SEC14L2: variants seen among roughly 807,000 people sequenced by gnomAD.
The protein encoded by SEC14L2 is SEC14 like lipid binding 2.
In SEC14L2, 50 loss-of-function variants were observed where a neutral mutation model predicts 56.9. The observed-to-expected ratio is 0.88, with a 90% CI of 0.70 to 1.11. The LOEUF is 1.11. Among genes scored for constraint, SEC14L2 ranks in the 50% most tolerant of loss-of-function variants. SEC14L2 has a pLI of 0.00. For synonymous variants in SEC14L2, 179 were observed against 188.5 expected (o/e 0.95, Z 0.41); for missense variants, 414 against 500.7 (o/e 0.83, Z 1.65).
intron 7 of SEC14L2, 35 bp downstream of exon 7, chr22:30,409,521 GAA>G (rs749688160): frequency 6.3e-7 from 1 of 1,589,736 alleles, no homozygotes; most frequent in Non-Finnish European, 8.6e-7. Flanking sequence ...AAGCCAGATG[GAA>G]AAGAGGGGTC....
rs957752349 is a variant in SEC14L2, at chr22:30,423,847, G to A, written c.*1440G>A. ...AAGCAACGTTCAGTGCGCAGGGAGT[G>A]AAATTCAATGCCCACCGCTAGGCTC... On this transcript the variant is annotated 3_prime_UTR_variant, in exon 12 of 12. Transcript: ENST00000615189. 5.3e-5 allele frequency: 8 copies of A among 152,292 alleles called. No individual in the cohort carries two copies. The highest frequency in any genetic ancestry group is 1.9e-4 in the African/African-American group (8 of 41,472). The allele number at this position is 152,292 out of a possible 1,614,324, so 9.4% of individuals were successfully genotyped here.
At chr22:30,410,161 G>A (rs1283984390) in intron 7 of SEC14L2, among the ~76,000 whole-genome samples, 1 of 151,588 alleles carries the variant, frequency 6.6e-6, no homozygotes, top group Non-Finnish European at 1.5e-5. Context: ...GCTCACTGAG[G>A]CTGAGGCAAG....
rs948867931 is a variant in SEC14L2, at chr22:30,408,904, G to A, written c.424-283G>A. On this transcript the variant is annotated intron_variant, in intron 5 of 11. Transcript: ENST00000615189. ...AGAGCACACAGTGACTCAGGAAGGG[G>A]GAGGCCATCAGGCCAAACTGCAGAA... 16 of 483,690 alleles carry A rather than the reference G, an allele frequency of 3.3e-5. No individual in the cohort carries two copies. The Admixed American group carries it at 4.8e-4, about 14-fold the overall frequency. 30.0% of individuals were successfully genotyped at this position (483,690 alleles called of 1,614,324 possible).
intron 7 of SEC14L2, 61 bp from the exon 8 acceptor site, chr22:30,410,535 A>G: frequency 6.7e-7 from 1 of 1,482,650 alleles, no homozygotes; most frequent in Non-Finnish European, 9.4e-7. Context: ...GCTGCAGAGG[A>G]CGCTGTTAGG....
At chr22:30,409,111 A>G (rs774848165) in intron 5 of SEC14L2, 76 bp from the exon 6 acceptor site, 1 of 1,272,098 alleles carries the variant, frequency 7.9e-7, no homozygotes, top group Non-Finnish European at 1.2e-6. Flanking sequence ...GCACAGTGCA[A>G]TCATTTGGCC....
chr22:30,403,672 G>A (rs935794740), intron 2 of SEC14L2, among the ~76,000 whole-genome samples: 2 of 152,178 alleles, frequency 1.3e-5, no homozygotes, highest in African/African-American at 4.8e-5. Context: ...CCCAAGATAA[G>A]GGGCTCACAG....
At chr22:30,410,501 T>A in intron 7 of SEC14L2, 95 bp from the exon 8 acceptor site, 1 of 1,195,774 alleles carries the variant, frequency 8.4e-7, no homozygotes, top group Non-Finnish European at 1.2e-6. Flanking sequence ...TGGCCCAGCA[T>A]GGGCTGGCAG....
chr22:30,402,228 G>A (rs1442627317), intron 2 of SEC14L2, among the ~76,000 whole-genome samples: 1 of 152,186 alleles, frequency 6.6e-6, no homozygotes, highest in East Asian at 1.9e-4. Context: ...GAAGCAGGTG[G>A]GTGGAGAGAG....
chr22:30,422,477 T>A lies in SEC14L2; in HGVS notation c.*70T>A, dbSNP rs2146047293. 6.3e-7 allele frequency: 1 copy of A among 1,588,620 alleles called. No homozygotes were observed. The highest frequency in any genetic ancestry group is 1.3e-5 in the African/African-American group (1 of 74,408). Reference sequence around the variant, plus strand: ...CAATTTCTACCCCTTGTAGCAGTCATTTTCGCACAACCCTGAAGCCCAAAG... The same window carrying A: ...CAATTTCTACCCCTTGTAGCAGTCAATTTCGCACAACCCTGAAGCCCAAAG... On this transcript the variant is annotated 3_prime_UTR_variant, in exon 12 of 12. Coordinates refer to ENST00000615189, the MANE Select transcript of SEC14L2 (RefSeq NM_012429.5).
intron 7 of SEC14L2, 99 bp from the exon 8 acceptor site, chr22:30,410,497 A>C (rs1934218255): frequency 8.6e-7 from 1 of 1,168,690 alleles, no homozygotes; most frequent in African/African-American, 1.5e-5. Context: ...CATGTGGCCC[A>C]GCATGGGCTG....
rs1569204255 is a variant in SEC14L2 at position 30,399,669 on chromosome 22, GC to G, written c.83del (p.Pro28ArgfsTer52). On this transcript the variant is annotated frameshift_variant, in exon 2 of 12. Coordinates refer to ENST00000615189, the MANE Select transcript of SEC14L2 (RefSeq NM_012429.5). LOFTEE classifies it high-confidence loss of function. ...KFRENVQDVL[P>X]ALPNPDDYFL... ...TTCGGGAGAATGTCCAGGATGTGCT[GC>G]CGGCCCTGCCGAATCCAGATGACTA... The G allele has an allele frequency of 1.9e-6, 3 of 1,613,900 alleles. No homozygotes were observed. The highest frequency in any genetic ancestry group is 2.5e-6 in the Non-Finnish European group (3 of 1,179,908).
At chr22:30,418,084 G>A (rs1934432057) in intron 11 of SEC14L2, among the ~76,000 whole-genome samples, 1 of 152,082 alleles carries the variant, frequency 6.6e-6, no homozygotes, top group Non-Finnish European at 1.5e-5. Flanking sequence ...TTTTTTGTCT[G>A]TTTCTTTGTT....
At chr22:30,398,838 T>C (rs2146000909) in intron 1 of SEC14L2, 1 of 468,058 alleles carries the variant, frequency 2.1e-6, no homozygotes. Context: ...CCAACTCTGC[T>C]AATGACTAGC....
At chr22:30,398,970 G>A (rs997267820) in intron 1 of SEC14L2, among the ~76,000 whole-genome samples, 3 of 152,332 alleles carry the variant, frequency 2.0e-5, no homozygotes, top group East Asian at 1.9e-4. Flanking sequence ...CAAGATCAGC[G>A]CTGAGCGACA....
intron 2 of SEC14L2, among the ~76,000 whole-genome samples, chr22:30,402,648 A>G (rs1347132757): frequency 6.6e-6 from 1 of 152,030 alleles, no homozygotes; most frequent in Non-Finnish European, 1.5e-5. Flanking sequence ...CTCTTACAAC[A>G]GAGGAAGTGT....
chr22:30,418,883 T>C (rs1934448551), intron 11 of SEC14L2, among the ~76,000 whole-genome samples: 1 of 152,228 alleles, frequency 6.6e-6, no homozygotes, highest in South Asian at 2.1e-4. Context: ...CAGCCTCCAA[T>C]GGCAAGAGCA....
rs1452189147 is a variant in SEC14L2, at chr22:30,423,267, C to A, written c.*860C>A. On this transcript the variant is annotated 3_prime_UTR_variant, in exon 12 of 12. Transcript: ENST00000615189. Reference sequence around the variant, plus strand: ...GTCCTCCATGTGAGCAACCCCGAGACAAAAATGCTAAGTGGGATCAAGAGA... The same window carrying A: ...GTCCTCCATGTGAGCAACCCCGAGAAAAAAATGCTAAGTGGGATCAAGAGA... 6.5e-6 allele frequency: 1 copy of A among 152,736 alleles called. No individual in the cohort carries two copies. The highest frequency in any genetic ancestry group is 1.5e-5 in the Non-Finnish European group (1 of 68,094). The allele number at this position is 152,736 out of a possible 1,614,324, so 9.5% of individuals were successfully genotyped here.
Position 30,407,529 on chromosome 22 carries a change from A to C in SEC14L2, c.349A>C (p.Lys117Gln). 1 of 1,614,158 alleles carries C rather than the reference A, an allele frequency of 6.2e-7. No homozygotes were observed. Among genetic ancestry groups the C allele is most frequent in the Non-Finnish European group, 8.5e-7 (1 of 1,180,022 alleles). ...DAKGLLFSAS[K>Q]QDLLRTKMRE... ...CAAGGGTCTGCTGTTCTCAGCCTCC[A>C]AACAGGACCTGCTGAGGACCAAGAT... The change falls in exon 5 of 12, where the codon AAA (lysine) becomes CAA (glutamine). Residue 117 changes from lysine (K) to glutamine (Q), a missense_variant. Physicochemically the swap from Lys to Gln is moderately conservative, Grantham distance 53. Transcript: ENST00000615189.
chr22:30,404,123 G>A (rs1189174316), intron 2 of SEC14L2, among the ~76,000 whole-genome samples: 1 of 150,924 alleles, frequency 6.6e-6, no homozygotes, highest in Non-Finnish European at 1.5e-5. Context: ...CCCCCACCAT[G>A]AGAGGACAGT....
Sources: gnomAD v4.1 joint callset for allele counts (sites outside exome capture counted in the v4.1 genomes callset) on GRCh38, gnomAD v4.1.1 for gene constraint, MANE v1.5 for transcripts, NCBI Gene and HGNC (gene_info 2026-07-23, HGNC 2026-07-21) for gene names.